The following SVEP1 variants were observed in gnomAD, a reference collection of about 807,000 sequenced individuals.
SVEP1 encodes the protein sushi, von Willebrand factor type A, EGF and pentraxin domain containing 1.
SVEP1 carries 164 observed loss-of-function variants against 367.3 expected under a neutral mutation model. That is an observed-to-expected ratio of 0.45 (90% confidence interval 0.39 to 0.51). The LOEUF is 0.51. SVEP1 is among the 20% of genes least tolerant of loss of function. SVEP1 has a pLI of 0.00. For missense variants in SVEP1, 4,117 were observed against 4,425.3 expected, an observed-to-expected ratio of 0.93 and a Z score of 1.98; for synonymous variants, 1,666 against 1,611.6, an observed-to-expected ratio of 1.03 and a Z score of -0.81.
chr9:110,445,879 T>C lies in SVEP1; in HGVS notation c.4421A>G (p.Asp1474Gly), dbSNP rs774712489. 16 of 1,613,836 alleles carry C rather than the reference T, an allele frequency of 9.9e-6. No homozygotes were observed. The highest frequency in any genetic ancestry group is 1.2e-5 in the Non-Finnish European group (14 of 1,179,866). The change falls in exon 26 of 48, where the codon GAT (aspartate) becomes GGT (glycine). Residue 1474 changes from aspartate to glycine, a missense_variant. Around this residue, in one of 4 missense-constraint regions of SVEP1, gnomAD observed 2,174 missense variants for 2,494.3 expected, o/e 0.87. Transcript: ENST00000374469. ...GAGCAAGGTATTGTCGCTGCCGTTA[T>C]CAACTGCATAGGAGATTGGTGTTCC... ...NYGTPISYAV[D>G]NGSDNTLLLT...
chr9:110,570,912 G>A (rs1344747318), intron 1 of SVEP1, among the ~76,000 whole-genome samples: 1 of 151,442 alleles, frequency 6.6e-6, no homozygotes, highest in Admixed American at 6.6e-5. Flanking sequence ...AGGAAGAAAT[G>A]GAATAGGATT....
In SVEP1 at chr9:110,528,779, A is replaced by G. The variant is rs188633671; in HGVS notation, c.965-14673T>C. Reference sequence around the variant, plus strand: ...AGGTTGTTTACTGTTGATTATTATTATTATTATGGCTATGCAGAAGCTTTA... The same window carrying G: ...AGGTTGTTTACTGTTGATTATTATTGTTATTATGGCTATGCAGAAGCTTTA... On this transcript the variant is annotated intron_variant, in intron 3 of 47. Coordinates refer to ENST00000374469, the MANE Select transcript of SVEP1 (RefSeq NM_153366.4). 8.6e-4 allele frequency among the ~76,000 whole-genome samples: 130 copies of G among 151,734 alleles called. 1 individual carries two copies. Among genetic ancestry groups the G allele is most frequent in the African/African-American group, 2.9e-3 (120 of 41,504 alleles).
At chr9:110,442,862 T>C (rs940974213) in intron 27 of SVEP1, 1 of 152,208 alleles carries the variant, frequency 6.6e-6, no homozygotes, top group Non-Finnish European at 1.5e-5. Flanking sequence ...CTATATTTAT[T>C]AGTATACGTA....
intron 46 of SVEP1, among the ~76,000 whole-genome samples, chr9:110,372,982 G>A (rs1322252705): frequency 6.6e-6 from 1 of 152,138 alleles, no homozygotes; most frequent in East Asian, 1.9e-4. Flanking sequence ...GAGACAAGAA[G>A]GTCAACTAGG....
chr9:110,397,080 T>G (rs1264702300), intron 40 of SVEP1, among the ~76,000 whole-genome samples: 1 of 152,240 alleles, frequency 6.6e-6, no homozygotes, highest in Non-Finnish European at 1.5e-5. Context: ...TGAACATTGA[T>G]GCAAAAATCC....
intron 18 of SVEP1, among the ~76,000 whole-genome samples, chr9:110,464,475 C>T (rs1828906096): frequency 6.6e-6 from 1 of 152,184 alleles, no homozygotes. Flanking sequence ...ATGAGGACTA[C>T]AACTTCCAAG....
At chr9:110,508,578 G>A (rs1180245563) in intron 5 of SVEP1, among the ~76,000 whole-genome samples, 2 of 151,884 alleles carry the variant, frequency 1.3e-5, no homozygotes, top group Admixed American at 1.3e-4. Flanking sequence ...TGGCGAACAT[G>A]GTGAAACCCC....
Position 110,462,620 on chromosome 9 carries a change from A to C in SVEP1, c.3322+3245T>G, listed in dbSNP as rs1343131464. ...TAATGAACTAGTGTCATGAGAAAAG[A>C]GGGGTGAATGTTTCATTTTGATTCT... On this transcript the variant is annotated intron_variant, in intron 18 of 47. Transcript: ENST00000374469. Among the ~76,000 whole-genome samples the C allele has an allele frequency of 1.3e-5, 2 of 151,432 alleles. 1 individual carries two copies. Among genetic ancestry groups the C allele is most frequent in the Admixed American group, 1.3e-4 (2 of 15,154 alleles).
rs150170687 is a variant in SVEP1 at position 110,556,355 on chromosome 9, T to A, written c.532-6251A>T. Among the ~76,000 whole-genome samples, 159 of 152,286 alleles carry A rather than the reference T, an allele frequency of 1.0e-3. No individual in the cohort carries two copies. In the East Asian group the frequency reaches 0.015, roughly 14 times the overall value. On this transcript the variant is annotated intron_variant, in intron 1 of 47. Coordinates refer to ENST00000374469, the MANE Select transcript of SVEP1 (RefSeq NM_153366.4). ...CAGCAGATCTGGCATGGGGACAGTG[T>A]TTGCTCTTGGGCTGCATTAATTAAA...
chr9:110,445,425 T>G (rs532829732), intron 26 of SVEP1, among the ~76,000 whole-genome samples: 1 of 152,264 alleles, frequency 6.6e-6, no homozygotes, highest in East Asian at 1.9e-4. Context: ...TCCCTTAACT[T>G]TTAGAGATCC....
intron 37 of SVEP1, among the ~76,000 whole-genome samples, chr9:110,409,446 AAAAG>A (rs981451242): frequency 6.6e-6 from 1 of 152,116 alleles, no homozygotes; most frequent in Non-Finnish European, 1.5e-5. Context: ...AAGAAAGAAA[AAAAG>A]AAAATCAAAT....
In SVEP1 at chr9:110,451,412, A is replaced by G; in HGVS notation, c.3788-10T>C. On this transcript the variant is annotated splice_polypyrimidine_tract_variant and intron_variant, in intron 22 of 47. Coordinates refer to ENST00000374469, the MANE Select transcript of SVEP1 (RefSeq NM_153366.4). ...TCTTCACACCGCTGACCTGCAAAGA[A>G]TCATTCATCTTTGAGCTGGAGAAAA... 1 of 1,604,496 alleles carries G rather than the reference A, an allele frequency of 6.2e-7. No individual in the cohort carries two copies. Among genetic ancestry groups the G allele is most frequent in the South Asian group, 1.1e-5 (1 of 90,264 alleles).
chr9:110,415,903 G>A (rs2781267), intron 36 of SVEP1, among the ~76,000 whole-genome samples: 58,139 of 151,674 alleles, frequency 0.38, 11,858 homozygotes, highest in African/African-American at 0.51. Flanking sequence ...ATATAGCTTC[G>A]GAGTTAAAAT....
In SVEP1 at chr9:110,574,740, CTTCTTTTTTTTTTTTT is replaced by C. The variant is rs1237356581; in HGVS notation, c.531+4257_531+4272del. On this transcript the variant is annotated intron_variant, in intron 1 of 47. Coordinates refer to ENST00000374469, the MANE Select transcript of SVEP1 (RefSeq NM_153366.4). ...TAGACAGGGACTGAGTCCAGTCGACCTTCTTTTTTTTTTTTTTTTTTTTTTTGAGGAGTCTCACTCT... is the reference window on the plus strand; with the variant it reads ...TAGACAGGGACTGAGTCCAGTCGACCTTTTTTTTTTGAGGAGTCTCACTCT... Among the ~76,000 whole-genome samples, 6 of 106,332 alleles carry C rather than the reference CTTCTTTTTTTTTTTTT, an allele frequency of 5.6e-5. 1 individual carries two copies. Among genetic ancestry groups the C allele is most frequent in the Non-Finnish European group, 1.2e-4 (6 of 49,032 alleles). The allele number at this position is 106,332 out of a possible 152,430, so 69.8% of individuals were successfully genotyped here.
At chr9:110,377,494 C>G in intron 44 of SVEP1, 128 bp from the exon 45 acceptor site, 1 of 768,098 alleles carries the variant, frequency 1.3e-6, no homozygotes, top group South Asian at 2.1e-5. Flanking sequence ...AGACAAAAAT[C>G]GAATCTCAGG....
In SVEP1 at chr9:110,366,362, T is replaced by G; in HGVS notation, c.*177A>C. On this transcript the variant is annotated 3_prime_UTR_variant, in exon 48 of 48. Coordinates refer to ENST00000374469, the MANE Select transcript of SVEP1 (RefSeq NM_153366.4). ...TTAAAAATGGAAACATGTAAGAAAG[T>G]ATGTCACAAGGAATAACAAAATATA... The G allele has an allele frequency of 2.1e-6, 1 of 477,468 alleles. No homozygotes were observed. Among genetic ancestry groups the G allele is most frequent in the African/African-American group, 2.0e-5 (1 of 50,650 alleles). The allele number at this position is 477,468 out of a possible 1,614,324, so 29.6% of individuals were successfully genotyped here.
At position 110,427,773 on chromosome 9, in the gene SVEP1, G is replaced by C; in HGVS notation, c.5808-15C>G. The C allele has an allele frequency of 6.2e-7, 1 of 1,602,240 alleles. No individual in the cohort carries two copies. The highest frequency in any genetic ancestry group is 1.3e-5 in the African/African-American group (1 of 74,574). On this transcript the variant is annotated splice_polypyrimidine_tract_variant and intron_variant, in intron 35 of 47. Coordinates refer to ENST00000374469, the MANE Select transcript of SVEP1 (RefSeq NM_153366.4). ...GGCCCTGTAAGCTGCGGGAAAGAATGATGTTACTCTTTCATTGGCTATGGA... is the reference window on the plus strand; with the variant it reads ...GGCCCTGTAAGCTGCGGGAAAGAATCATGTTACTCTTTCATTGGCTATGGA...
At chr9:110,545,946 C>T (rs1830215009) in intron 3 of SVEP1, among the ~76,000 whole-genome samples, 169 bp downstream of exon 3, 1 of 152,216 alleles carries the variant, frequency 6.6e-6, no homozygotes, top group African/African-American at 2.4e-5. Context: ...ACTCAACTCA[C>T]CGCTGATGGC....
At chr9:110,369,882 T>C (rs747263594) in intron 47 of SVEP1, 41 bp downstream of exon 47, 1 of 1,542,794 alleles carries the variant, frequency 6.5e-7, no homozygotes, top group East Asian at 2.3e-5. Context: ...AATTTTAGAG[T>C]CTTCATGTTA....
Sources: allele counts gnomAD v4.1 joint callset (sites outside exome capture counted in the v4.1 genomes callset), GRCh38; gene constraint gnomAD v4.1.1; regional missense constraint gnomAD v4.1.1; transcripts MANE v1.5; gene names NCBI Gene and HGNC (gene_info 2026-07-23, HGNC 2026-07-21).